Variants in LRRTM4 observed in about 807,000 individuals in gnomAD.
The protein encoded by LRRTM4 is leucine rich repeat transmembrane neuronal 4, also known as leucine-rich repeat transmembrane neuronal protein 4.
A neutral mutation model predicts 47.6 loss-of-function variants in LRRTM4; 25 were observed. The ratio of observed to expected loss-of-function variants is 0.53; its 90% CI spans 0.38 to 0.73. The LOEUF is 0.73. Ranked by LOEUF, LRRTM4 falls within the 30% of genes least tolerant of loss-of-function variation. The probability of loss-of-function intolerance (pLI) is 0.00; values close to 1 mark genes in which losing one functional copy is unlikely to be tolerated. For missense variants in LRRTM4, 638 were observed against 713.4 expected, an observed-to-expected ratio of 0.89 and a Z score of 1.20; for synonymous variants, 311 against 269.5, an observed-to-expected ratio of 1.15 and a Z score of -1.51.
intron 3 of LRRTM4, among the ~76,000 whole-genome samples, chr2:76,750,156 T>C (rs1191906874): frequency 6.6e-6 from 1 of 152,242 alleles, no homozygotes; most frequent in Admixed American, 6.5e-5. Context: ...CCTAATGGCA[T>C]GTCTTCATTC....
chr2:77,409,393 CAGA>C (rs926295234), intron 3 of LRRTM4, among the ~76,000 whole-genome samples: 5 of 152,146 alleles, frequency 3.3e-5, no homozygotes, highest in African/African-American at 1.2e-4. Flanking sequence ...TGGCAGAAAT[CAGA>C]AGGACAAGCT....
At chr2:77,276,622 C>A (rs1357072328) in intron 3 of LRRTM4, among the ~76,000 whole-genome samples, 14 of 136,728 alleles carry the variant, frequency 1.0e-4, no homozygotes, top group Non-Finnish European at 1.6e-5. Flanking sequence ...TTTATAGAAC[C>A]AAATATAGCC....
At chr2:77,484,090 T>G (rs1181127082) in intron 3 of LRRTM4, among the ~76,000 whole-genome samples, 2 of 152,224 alleles carry the variant, frequency 1.3e-5, no homozygotes, top group Non-Finnish European at 2.9e-5. Flanking sequence ...TGCATTTATT[T>G]TAGTGGTTTG....
intron 3 of LRRTM4, among the ~76,000 whole-genome samples, chr2:77,252,750 G>A (rs554819390): frequency 7.2e-5 from 11 of 152,212 alleles, no homozygotes; most frequent in East Asian, 5.8e-4. Context: ...AAAACGTTGC[G>A]TGCCTCTGAG....
At chr2:77,093,631 T>A (rs190206868) in intron 3 of LRRTM4, among the ~76,000 whole-genome samples, 3,099 of 151,970 alleles carry the variant, frequency 0.02, 148 homozygotes, top group African/African-American at 0.071. Context: ...AACACTATTT[T>A]GTTTTATTTT....
chr2:77,308,634 A>G (rs888871399), intron 3 of LRRTM4, among the ~76,000 whole-genome samples: 2 of 152,090 alleles, frequency 1.3e-5, no homozygotes, highest in Non-Finnish European at 2.9e-5. Context: ...AATAAATACC[A>G]TTTTATCTCC....
chr2:77,430,072 A>G (rs1047303031), intron 3 of LRRTM4, among the ~76,000 whole-genome samples: 1 of 152,158 alleles, frequency 6.6e-6, no homozygotes, highest in Admixed American at 6.5e-5. Flanking sequence ...GTGTCTCAAA[A>G]AAAAAAAATC....
At chr2:77,040,539 A>G (rs942550600) in intron 3 of LRRTM4, among the ~76,000 whole-genome samples, 1 of 151,476 alleles carries the variant, frequency 6.6e-6, no homozygotes, top group Non-Finnish European at 1.5e-5. Context: ...AAGTGCTAGT[A>G]AACAGTAGGC....
chr2:77,031,747 G>A (rs1678664621), intron 3 of LRRTM4, among the ~76,000 whole-genome samples: 1 of 152,086 alleles, frequency 6.6e-6, no homozygotes, highest in African/African-American at 2.4e-5. Context: ...GTGTGCGTGT[G>A]TGTGACAGAG....
chr2:77,015,622 C>T (rs72823195), intron 3 of LRRTM4, among the ~76,000 whole-genome samples: 18,933 of 151,620 alleles, frequency 0.12, 1,458 homozygotes, highest in Admixed American at 0.2. Flanking sequence ...CCATGCCCGG[C>T]GGAAGTTTTA....
In LRRTM4 at chr2:77,299,847, A is replaced by ATT. The variant is rs145008759; in HGVS notation, c.1551+218469_1551+218470dup. Among the ~76,000 whole-genome samples, 928 of 114,018 alleles carry ATT rather than the reference A, an allele frequency of 8.1e-3. 7 individuals are homozygous for ATT. Among genetic ancestry groups the ATT allele is most frequent in the Non-Finnish European group, 9.3e-3 (518 of 55,992 alleles). The allele number at this position is 114,018 out of a possible 152,430, so 74.8% of individuals were successfully genotyped here. A position where few individuals can be genotyped will look rare whatever the true frequency, so the allele number is the denominator to read the frequency against. ...TGTGAGGACATGATGTAAGGTAATG[A>ATT]TTTTTTTTTTTTTTTTTTTTTTTTG... On this transcript the variant is annotated intron_variant, in intron 3 of 3. Coordinates refer to ENST00000409884, the MANE Select transcript of LRRTM4 (RefSeq NM_001134745.3).
intron 3 of LRRTM4, among the ~76,000 whole-genome samples, chr2:76,796,551 C>T (rs1392282777): frequency 1.6e-5 from 2 of 124,642 alleles, no homozygotes; most frequent in Admixed American, 8.3e-5. Context: ...CACGGGCACA[C>T]TGACACCTCA....
At chr2:77,063,380 T>C (rs1479264098) in intron 3 of LRRTM4, among the ~76,000 whole-genome samples, 1 of 152,216 alleles carries the variant, frequency 6.6e-6, no homozygotes, top group African/African-American at 2.4e-5. Context: ...TTGAATAGTG[T>C]AATACTGCCT....
At chr2:76,868,896 C>T (rs1056139943) in intron 3 of LRRTM4, among the ~76,000 whole-genome samples, 3 of 152,088 alleles carry the variant, frequency 2.0e-5, no homozygotes, top group Non-Finnish European at 2.9e-5. Context: ...TTATACCTTT[C>T]CTGGCCACCC....
chr2:76,800,152 C>T (rs578040221), intron 3 of LRRTM4, among the ~76,000 whole-genome samples: 119 of 148,316 alleles, frequency 8.0e-4, no homozygotes, highest in African/African-American at 2.9e-3. Flanking sequence ...CAAGTCAATC[C>T]TAAGCCAAAA....
chr2:77,116,245 A>C (rs1001265236), intron 3 of LRRTM4, among the ~76,000 whole-genome samples: 10 of 152,128 alleles, frequency 6.6e-5, no homozygotes, highest in Non-Finnish European at 5.9e-5. Context: ...AATTAAACGC[A>C]ATAAATCATA....
chr2:77,241,072 A>G (rs1426797208), intron 3 of LRRTM4, among the ~76,000 whole-genome samples: 2 of 152,004 alleles, frequency 1.3e-5, no homozygotes, highest in Non-Finnish European at 2.9e-5. Flanking sequence ...AATTTGTATA[A>G]AAAAGAAGGA....
At chr2:77,158,890 C>T (rs192899697) in intron 3 of LRRTM4, among the ~76,000 whole-genome samples, 8 of 151,546 alleles carry the variant, frequency 5.3e-5, no homozygotes, top group African/African-American at 1.4e-4. Context: ...TAATTACATA[C>T]GATATAACAA....
At chr2:77,242,292 G>A (rs1048978177) in intron 3 of LRRTM4, among the ~76,000 whole-genome samples, 1 of 151,860 alleles carries the variant, frequency 6.6e-6, no homozygotes, top group Admixed American at 6.6e-5. Context: ...CAAAAGCACA[G>A]GTAATAAAAG....
Sources: gnomAD v4.1 joint callset for allele counts (sites outside exome capture counted in the v4.1 genomes callset) on GRCh38, gnomAD v4.1.1 for gene constraint, MANE v1.5 for transcripts, NCBI Gene and HGNC (gene_info 2026-07-23, HGNC 2026-07-21) for gene names.